SLIT2: variants seen among roughly 807,000 people sequenced by gnomAD.
SLIT2 encodes slit homolog 2 protein.
A neutral mutation model predicts 185.7 loss-of-function variants in SLIT2; 41 were observed. That is an observed-to-expected ratio of 0.22 (90% CI 0.17 to 0.29). The LOEUF (loss-of-function observed/expected upper bound fraction) is 0.29, where lower values mean the gene tolerates loss of function less well. Ranked by LOEUF, SLIT2 falls within the 10% of genes least tolerant of loss-of-function variation. The probability of loss-of-function intolerance (pLI) is 1.00; values close to 1 mark genes in which losing one functional copy is unlikely to be tolerated. For synonymous variants in SLIT2, 693 were observed against 680.2 expected (o/e 1.02, Z -0.29); for missense variants, 1,571 against 1,909.0 (o/e 0.82, Z 3.30).
chr4:20,267,004 G>A (rs576471433), intron 3 of SLIT2, among the ~76,000 whole-genome samples: 1 of 152,080 alleles, frequency 6.6e-6, no homozygotes, highest in Admixed American at 6.5e-5. Context: ...ATTACATCAT[G>A]AGAGCTCATT....
intron 3 of SLIT2, among the ~76,000 whole-genome samples, chr4:20,268,314 AATC>A (rs1207637011): frequency 6.6e-6 from 1 of 151,638 alleles, no homozygotes; most frequent in Admixed American, 6.6e-5. Flanking sequence ...CTATGGGACA[AATC>A]ATGCTGACAA....
At chr4:20,526,578 G>A (rs946755374) in intron 15 of SLIT2, among the ~76,000 whole-genome samples, 2 of 151,834 alleles carry the variant, frequency 1.3e-5, no homozygotes, top group African/African-American at 4.8e-5. Context: ...ATTAATAATT[G>A]GTAAGTTTAA....
rs1560471894 is a variant in SLIT2, at chr4:20,491,839, A to C, written c.854A>C (p.Asp285Ala). 3 of 1,613,830 alleles carry C rather than the reference A, an allele frequency of 1.9e-6. No individual in the cohort carries two copies. The highest frequency in any genetic ancestry group is 2.5e-6 in the Non-Finnish European group (3 of 1,179,870). The stretch of plus-strand genomic sequence containing the variant: ...TGTACCTGTAGCAACAATATCGTAG[A>C]CTGTCGTGGGAAAGGTCTCACTGAG... ...AACTCSNNIV[D>A]CRGKGLTEIP... Residue 285 changes from aspartate (D) to alanine (A), a missense_variant, in exon 9 of 37, where the codon GAC (aspartate) becomes GCC (alanine). Physicochemically the swap from Asp to Ala is moderately radical, Grantham distance 126 (BLOSUM62 -2). Coordinates refer to ENST00000504154, the MANE Select transcript of SLIT2 (RefSeq NM_004787.4).
intron 4 of SLIT2, among the ~76,000 whole-genome samples, chr4:20,372,216 C>T (rs974576520): frequency 1.3e-5 from 2 of 152,016 alleles, no homozygotes; most frequent in African/African-American, 4.8e-5. Context: ...ATTCTATTTC[C>T]ATTTCACAGG....
At chr4:20,338,096 A>G (rs1374144957) in intron 4 of SLIT2, among the ~76,000 whole-genome samples, 1 of 152,202 alleles carries the variant, frequency 6.6e-6, no homozygotes, top group Non-Finnish European at 1.5e-5. Context: ...ACTCACAAGT[A>G]AAGATTTTTT....
At chr4:20,264,037 C>T (rs909627271) in intron 3 of SLIT2, among the ~76,000 whole-genome samples, 4 of 151,720 alleles carry the variant, frequency 2.6e-5, no homozygotes. Flanking sequence ...CTCATAGTCT[C>T]TCTGAGTCTA....
At chr4:20,332,313 CT>C (rs1224456922) in intron 4 of SLIT2, among the ~76,000 whole-genome samples, 1 of 152,068 alleles carries the variant, frequency 6.6e-6, no homozygotes, top group Non-Finnish European at 1.5e-5. Context: ...TATTCCTGTT[CT>C]TTGGGGAGGA....
chr4:20,488,746 G>C (rs1006076643), intron 7 of SLIT2, 73 bp from the exon 8 acceptor site: 2 of 1,077,362 alleles, frequency 1.9e-6, no homozygotes, highest in Non-Finnish European at 2.7e-6. Flanking sequence ...TCTATGTTAA[G>C]AAATACAGGT....
chr4:20,365,607 T>C (rs1723057132), intron 4 of SLIT2, among the ~76,000 whole-genome samples: 1 of 152,142 alleles, frequency 6.6e-6, no homozygotes, highest in South Asian at 2.1e-4. Flanking sequence ...CAGTAGTCTT[T>C]GTTTCACATC....
At chr4:20,589,804 C>T (rs1727355720) in intron 30 of SLIT2, 67 bp downstream of exon 30, 2 of 999,970 alleles carry the variant, frequency 2.0e-6, no homozygotes, top group Non-Finnish European at 3.1e-6. Flanking sequence ...GAGCCCTTCT[C>T]CTCCTTCATC....
chr4:20,583,564 G>A (rs1560214713), intron 29 of SLIT2, among the ~76,000 whole-genome samples: 3 of 151,976 alleles, frequency 2.0e-5, no homozygotes, highest in African/African-American at 4.8e-5. Context: ...GTAATCCCAA[G>A]ACTTTGGGAG....
At chr4:20,521,515 T>G (rs1720837836) in intron 12 of SLIT2, among the ~76,000 whole-genome samples, 1 of 152,196 alleles carries the variant, frequency 6.6e-6, no homozygotes. Context: ...TCTTTCAGTT[T>G]CCTCAGGCTC....
At chr4:20,580,107 CTGGAGTGCAG>C (rs1726430248) in intron 29 of SLIT2, among the ~76,000 whole-genome samples, 1 of 147,244 alleles carries the variant, frequency 6.8e-6, no homozygotes, top group Admixed American at 6.9e-5. Flanking sequence ...CTGGCCTAGG[CTGGAGTGCAG>C]TGGCATGATC....
intron 4 of SLIT2, among the ~76,000 whole-genome samples, chr4:20,349,390 C>T (rs1721687905): frequency 6.6e-6 from 1 of 152,110 alleles, no homozygotes. Flanking sequence ...GAACGTCTTG[C>T]CCTTAGATTG....
chr4:20,253,701 C>A lies in SLIT2; in HGVS notation c.-115C>A. On this transcript the variant is annotated 5_prime_UTR_variant, in exon 1 of 37. Transcript: ENST00000504154. ...ATTATTTGGTGCACATTTTCCCTGG[C>A]ACTCTGGGTTGCTAGCCCCGCCGGG... The A allele has an allele frequency of 8.0e-7, 1 of 1,246,602 alleles. No individual in the cohort carries two copies. The highest frequency in any genetic ancestry group is 1.1e-6 in the Non-Finnish European group (1 of 889,626). 77.2% of individuals were successfully genotyped at this position (1,246,602 alleles called of 1,614,324 possible).
intron 18 of SLIT2, among the ~76,000 whole-genome samples, chr4:20,537,366 G>A (rs550891812): frequency 1.4e-5 from 2 of 144,112 alleles, no homozygotes; most frequent in African/African-American, 5.0e-5. Context: ...GACAACTTTT[G>A]TATAGCTCTG....
intron 4 of SLIT2, among the ~76,000 whole-genome samples, chr4:20,307,278 CCTTA>C (rs1211320425): frequency 6.8e-6 from 1 of 146,354 alleles, no homozygotes; most frequent in African/African-American, 2.6e-5. Flanking sequence ...TTCCTTCCTT[CCTTA>C]AACTAAGGGT....
chr4:20,376,840 A>G (rs1171244233), intron 4 of SLIT2, among the ~76,000 whole-genome samples: 1 of 150,238 alleles, frequency 6.7e-6, no homozygotes. Context: ...AGTTGGACAC[A>G]GGGCGGGGAA....
chr4:20,412,450 A>G (rs959314548), intron 4 of SLIT2, among the ~76,000 whole-genome samples: 2 of 152,114 alleles, frequency 1.3e-5, no homozygotes, highest in African/African-American at 4.8e-5. Flanking sequence ...TTTATCCTCA[A>G]CCTATATCAG....
Sources: gnomAD v4.1 joint callset for allele counts (sites outside exome capture counted in the v4.1 genomes callset) on GRCh38, gnomAD v4.1.1 for gene constraint, MANE v1.5 for transcripts, NCBI Gene and HGNC (gene_info 2026-07-23, HGNC 2026-07-21) for gene names.